The following STRA6 variants were observed in gnomAD, a reference collection of about 807,000 sequenced individuals.
STRA6 encodes receptor for retinol uptake STRA6.
Under a neutral mutation model 83.6 loss-of-function variants are expected in STRA6, and 48 were observed. That is an observed-to-expected ratio of 0.57 (90% confidence interval 0.46 to 0.73). The LOEUF (loss-of-function observed/expected upper bound fraction) is 0.73. STRA6 is among the 30% of genes least tolerant of loss of function. STRA6 has a pLI of 0.00. For missense variants in STRA6, 760 were observed against 838.8 expected (o/e 0.91, Z 1.16); for synonymous variants, 353 against 362.3 (o/e 0.97, Z 0.29).
At chr15:74,195,779 A>G in intron 5 of STRA6, 104 bp from the exon 6 acceptor site, 1 of 868,072 alleles carries the variant, frequency 1.2e-6, no homozygotes, top group Non-Finnish European at 1.8e-6. Context: ...TTAAGATACT[A>G]CTTCCCTGGC....
intron 7 of STRA6, chr15:74,195,094 G>A: frequency 1.4e-6 from 2 of 1,464,272 alleles, no homozygotes; most frequent in Non-Finnish European, 1.8e-6. Context: ...TAAAGTTCCT[G>A]AGGGCTGGGC....
intron 2 of STRA6, among the ~76,000 whole-genome samples, chr15:74,200,874 C>G (rs1286806558): frequency 4.6e-5 from 7 of 152,190 alleles, no homozygotes; most frequent in African/African-American, 1.2e-4. Context: ...TAGACCACAG[C>G]TACATTTACA....
upstream of STRA6, among the ~76,000 whole-genome samples, chr15:74,205,732 G>A (rs1443749264): frequency 6.6e-6 from 1 of 152,198 alleles, no homozygotes. Context: ...GCTGAGCCCA[G>A]GCACAGTCCC....
At chr15:74,190,645 C>T (rs1471389657) in intron 11 of STRA6, among the ~76,000 whole-genome samples, 195 bp downstream of exon 11, 3 of 152,064 alleles carry the variant, frequency 2.0e-5, no homozygotes, top group African/African-American at 4.8e-5. Context: ...ATTAATGCTC[C>T]GAGTCACTTC....
At chr15:74,208,091 G>A (rs535788674) in intron 1 of STRA6, 4 of 1,194,234 alleles carry the variant, frequency 3.3e-6, no homozygotes, top group Admixed American at 3.7e-5. Context: ...TATGAGGGTG[G>A]ACACTGGTGA....
At chr15:74,209,573 C>G, upstream of STRA6, 3 of 764,492 alleles carry the variant, frequency 3.9e-6, no homozygotes, top group Middle Eastern at 3.1e-4. Context: ...AAGGCCCCCT[C>G]GGAGCTTTCT....
chr15:74,209,434 T>C (rs1250899285), upstream of STRA6: 2 of 1,535,476 alleles, frequency 1.3e-6, no homozygotes, highest in South Asian at 1.2e-5. Context: ...CCAGCTCGGC[T>C]CTTAATAACC....
intron 2 of STRA6, among the ~76,000 whole-genome samples, chr15:74,201,057 G>C (rs530829260): frequency 6.6e-6 from 1 of 152,140 alleles, no homozygotes; most frequent in South Asian, 2.1e-4. Flanking sequence ...ACAGGCTCTC[G>C]GTCAGTCAGG....
At chr15:74,183,292 C>G (rs1229517721) in intron 14 of STRA6, 4 of 186,564 alleles carry the variant, frequency 2.1e-5, no homozygotes, top group Non-Finnish European at 3.4e-5. Context: ...CTTTCTTAAG[C>G]TGGAGCGCAG....
At chr15:74,207,162 C>T (rs2074277794), upstream of STRA6, among the ~76,000 whole-genome samples, 1 of 152,170 alleles carries the variant, frequency 6.6e-6, no homozygotes, top group African/African-American at 2.4e-5. Flanking sequence ...ACGTGCATTT[C>T]TGCGGGAGCC....
chr15:74,210,910 C>A (rs2074358010), upstream of STRA6, among the ~76,000 whole-genome samples: 1 of 152,170 alleles, frequency 6.6e-6, no homozygotes. Context: ...GGATCTCAGG[C>A]AGCCATCTTG....
At position 74,202,259 on chromosome 15, in the gene STRA6, G is replaced by C; in HGVS notation, c.9C>G (p.Ser3=). The C allele has an allele frequency of 6.5e-7, 1 of 1,543,570 alleles. No homozygotes were observed. The highest frequency in any genetic ancestry group is 8.7e-7 in the Non-Finnish European group (1 of 1,150,868). MS[S]QPAGNQTSPG... is the part of the protein sequence containing the mutation. ...GGGAGGTCTGGTTCCCTGCTGGCTGGGACGACATTCTCTGGCCCTTCTCCT... is the reference window on the plus strand; with the variant it reads ...GGGAGGTCTGGTTCCCTGCTGGCTGCGACGACATTCTCTGGCCCTTCTCCT... Residue 3 remains serine, a synonymous_variant, in exon 2 of 19, where the codon TCC becomes TCG. Coordinates refer to ENST00000395105, the MANE Select transcript of STRA6 (RefSeq NM_022369.4).
chr15:74,211,972 A>G (rs560704151), upstream of STRA6, among the ~76,000 whole-genome samples: 2 of 151,746 alleles, frequency 1.3e-5, no homozygotes, highest in East Asian at 1.9e-4. Flanking sequence ...CCCACTCCCC[A>G]GTCTGGCTGT....
At chr15:74,180,673 G>A (rs971047391) in intron 18 of STRA6, 109 bp downstream of exon 18, 2 of 1,468,724 alleles carry the variant, frequency 1.4e-6, no homozygotes, top group South Asian at 1.4e-5. Context: ...AGGAAGAGAG[G>A]AAGTGAGAAT....
At chr15:74,202,398 C>A (rs751053052) in intron 1 of STRA6, 116 bp from the exon 2 acceptor site, 1 of 1,542,444 alleles carries the variant, frequency 6.5e-7, no homozygotes, top group African/African-American at 1.4e-5. Flanking sequence ...TCTCTTTAAT[C>A]CTGAAGGTTA....
chr15:74,195,792 T>G, intron 5 of STRA6, 117 bp from the exon 6 acceptor site: 1 of 889,852 alleles, frequency 1.1e-6, no homozygotes, highest in Non-Finnish European at 1.7e-6. Context: ...TCCCTGGCTC[T>G]CAGTTCCTCC....
chr15:74,209,233 ACCGTTTGCTCGAAACTTGATCT>A, upstream of STRA6: 3 of 1,120,516 alleles, frequency 2.7e-6, no homozygotes, highest in Non-Finnish European at 3.8e-6. Context: ...ACACCCCCAA[ACCGTTTGCTCGAAACTTGATCT>A]CCTTGGCCCT....
chr15:74,191,842 C>CA, intron 8 of STRA6: 2 of 409,522 alleles, frequency 4.9e-6, no homozygotes, highest in Non-Finnish European at 9.2e-6. Context: ...GAAACTGGGG[C>CA]AAAGGGAAGC....
chr15:74,204,952 G>T (rs576527624), upstream of STRA6, among the ~76,000 whole-genome samples: 5 of 152,100 alleles, frequency 3.3e-5, no homozygotes, highest in South Asian at 4.2e-4. Context: ...AAGAAAGAAA[G>T]AAAGAAAAGA....
Sources: gnomAD v4.1 joint callset for allele counts (sites outside exome capture counted in the v4.1 genomes callset) on GRCh38, gnomAD v4.1.1 for gene constraint, MANE v1.5 for transcripts, NCBI Gene and HGNC (gene_info 2026-07-23, HGNC 2026-07-21) for gene names.